The following MDH2 variants were observed in gnomAD, a reference collection of about 807,000 sequenced individuals.
The protein encoded by MDH2 is malate dehydrogenase 2, also known as malate dehydrogenase, mitochondrial.
MDH2 carries 25 observed loss-of-function variants against 33.6 expected under a neutral mutation model. The observed-to-expected ratio is 0.74, with a 90% CI of 0.54 to 1.04. MDH2 has a LOEUF of 1.04. Among genes scored for constraint, MDH2 ranks in the 50% least tolerant of loss-of-function variants. The pLI is 0.00. For missense variants in MDH2, 432 were observed against 445.0 expected, an observed-to-expected ratio of 0.97 and a Z score of 0.26; for synonymous variants, 193 against 188.7, an observed-to-expected ratio of 1.02 and a Z score of -0.19.
At chr7:76,051,825 T>G (rs1554585487) in intron 1 of MDH2, among the ~76,000 whole-genome samples, 1 of 152,186 alleles carries the variant, frequency 6.6e-6, no homozygotes, top group South Asian at 2.1e-4. Flanking sequence ...CCAAGCAGTG[T>G]GCTGTTGATA....
At chr7:76,063,666 C>T (rs370737691) in intron 6 of MDH2, 74 bp downstream of exon 6, 55 of 1,458,542 alleles carry the variant, frequency 3.8e-5, no homozygotes, top group East Asian at 9.1e-5. Flanking sequence ...GAGGTGATCC[C>T]GGTAGACTGG....
chr7:76,052,795 G>C (rs182838741), intron 1 of MDH2, among the ~76,000 whole-genome samples: 5 of 152,170 alleles, frequency 3.3e-5, no homozygotes, highest in Admixed American at 2.0e-4. Context: ...ATCCACCTCG[G>C]CCTCTCAGAG....
chr7:76,066,225 T>C, intron 8 of MDH2, 54 bp from the exon 9 acceptor site: 1 of 1,587,028 alleles, frequency 6.3e-7, no homozygotes, highest in South Asian at 1.1e-5. Flanking sequence ...TCGGGGTTTC[T>C]CTAACAAGCA....
Position 76,060,578 on chromosome 7 carries a change from C to T in MDH2, c.555+80C>T, listed in dbSNP as rs139786388. 230 of 1,564,312 alleles carry T rather than the reference C, an allele frequency of 1.5e-4. No individual in the cohort carries two copies. In the African/African-American group the frequency reaches 2.8e-3, roughly 19 times the overall value. ...CGTGCTCATTTACGGGCGTGGAAGACATGAAGGCATGCCCAGGTCACGTGT... is the reference window on the plus strand; with the variant it reads ...CGTGCTCATTTACGGGCGTGGAAGATATGAAGGCATGCCCAGGTCACGTGT... On this transcript the variant is annotated intron_variant, in intron 5 of 8. Coordinates refer to ENST00000315758, the MANE Select transcript of MDH2 (RefSeq NM_005918.4).
intron 5 of MDH2, among the ~76,000 whole-genome samples, chr7:76,062,978 CT>C (rs1475448969): frequency 6.6e-6 from 1 of 152,220 alleles, no homozygotes; most frequent in Non-Finnish European, 1.5e-5. Context: ...CAGCCTTGAA[CT>C]GTGCTGTTTG....
At chr7:76,066,153 G>C in intron 8 of MDH2, 126 bp from the exon 9 acceptor site, 1 of 1,228,332 alleles carries the variant, frequency 8.1e-7, no homozygotes, top group Non-Finnish European at 1.1e-6. Context: ...GGCGTCCCCA[G>C]CAAGGCACCC....
rs2116703200 is a variant in MDH2, at chr7:76,064,912, G to A, written c.844G>A (p.Glu282Lys). ...VVECSFVKSQ[E>K]TECTYFSTPL... ...GGAATGTTCCTTCGTTAAGTCACAGGAAACGGAATGTACCTACTTCTCCAC... is the reference window on the plus strand; with the variant it reads ...GGAATGTTCCTTCGTTAAGTCACAGAAAACGGAATGTACCTACTTCTCCAC... Residue 282 changes from glutamate (E) to lysine (K), a missense_variant, in exon 8 of 9, where the codon GAA (glutamate) becomes AAA (lysine). Physicochemically the swap from Glu to Lys is moderately conservative, Grantham distance 56. Transcript: ENST00000315758. The A allele has an allele frequency of 1.2e-6, 2 of 1,614,190 alleles. No homozygotes were observed. The highest frequency in any genetic ancestry group is 1.7e-6 in the Non-Finnish European group (2 of 1,180,050).
rs1284035803 is a variant in MDH2, at chr7:76,054,936, T to C, written c.173T>C (p.Ile58Thr). Residue 58 changes from isoleucine (I) to threonine (T), a missense_variant, in exon 2 of 9, where the codon ATC becomes ACC. Physicochemically the swap from Ile to Thr is moderately conservative, Grantham distance 89 (BLOSUM62 -1). Coordinates refer to ENST00000315758, the MANE Select transcript of MDH2 (RefSeq NM_005918.4). The part of the protein sequence containing the change: ...PLVSRLTLYD[I>T]AHTPGVAADL... ...GTGAGCCGCCTGACCCTCTATGATA[T>C]CGCGCACACACCCGGAGTGGCCGCA... The C allele has an allele frequency of 1.2e-6, 2 of 1,614,040 alleles. No homozygotes were observed. Among genetic ancestry groups the C allele is most frequent in the Non-Finnish European group, 1.7e-6 (2 of 1,180,006 alleles).
chr7:76,048,778 A>G (rs1371666267), intron 1 of MDH2: 7 of 1,226,338 alleles, frequency 5.7e-6, no homozygotes, highest in Non-Finnish European at 7.1e-6. Context: ...TTTTTGGAGG[A>G]TCTCTCCTGC....
chr7:76,060,085 CAGA>C (rs1438644759), intron 4 of MDH2, among the ~76,000 whole-genome samples: 25 of 152,250 alleles, frequency 1.6e-4, no homozygotes, highest in African/African-American at 6.0e-4. Context: ...CCCGGCCGAG[CAGA>C]AGGTGATCCA....
rs782771848 is a variant in MDH2 at position 76,060,435 on chromosome 7, C to T, written c.492C>T (p.Asn164=). 6 of 1,614,208 alleles carry T rather than the reference C, an allele frequency of 3.7e-6. No individual in the cohort carries two copies. Among genetic ancestry groups the T allele is most frequent in the Non-Finnish European group, 5.1e-6 (6 of 1,180,038 alleles). Residue 164 remains asparagine, a synonymous_variant, in exon 5 of 9, where the codon AAC becomes AAT. Transcript: ENST00000315758. The part of the protein sequence containing the change: ...VFKKHGVYNP[N]KIFGVTTLDI... ...AGAAGCATGGAGTGTACAACCCCAA[C>T]AAAATCTTCGGCGTGACGACCCTGG...
intron 1 of MDH2, among the ~76,000 whole-genome samples, chr7:76,052,633 C>T (rs186199355): frequency 6.6e-6 from 1 of 151,010 alleles, no homozygotes; most frequent in East Asian, 2.0e-4. Flanking sequence ...GTGTGATCTC[C>T]TCCTGGGTTC....
chr7:76,058,451 G>C (rs1797851085), intron 4 of MDH2, among the ~76,000 whole-genome samples: 1 of 152,184 alleles, frequency 6.6e-6, no homozygotes, highest in African/African-American at 2.4e-5. Flanking sequence ...AGCCGGAAAA[G>C]TATGTTCCAA....
rs1798041198 is a variant in MDH2 at position 76,064,499 on chromosome 7, G to A, written c.733+61G>A. On this transcript the variant is annotated intron_variant, in intron 7 of 8. Coordinates refer to ENST00000315758, the MANE Select transcript of MDH2 (RefSeq NM_005918.4). ...TGAGGCCCTGCGAGAGCTCAGGGTT[G>A]GGGAGAAATGCTGCTTGTCCCTGGG... 1.9e-5 allele frequency: 26 copies of A among 1,388,200 alleles called. No individual in the cohort carries two copies. The South Asian group carries it at 3.3e-4, about 18-fold the overall frequency. 86.0% of individuals were successfully genotyped at this position (1,388,200 alleles called of 1,614,324 possible).
intron 1 of MDH2, among the ~76,000 whole-genome samples, chr7:76,053,393 C>T (rs1443629519): frequency 1.3e-5 from 2 of 152,178 alleles, no homozygotes; most frequent in African/African-American, 4.8e-5. Context: ...GTGGGTGAGG[C>T]TGAGCCTGCC....
At position 76,054,726 on chromosome 7, in the gene MDH2, GCAACT is replaced by G. The variant is rs1199837003; in HGVS notation, c.67-103_67-99del. 2.0e-5 allele frequency: 26 copies of G among 1,288,194 alleles called. No homozygotes were observed. The East Asian group carries it at 6.0e-4, about 30-fold the overall frequency. 79.8% of individuals were successfully genotyped at this position (1,288,194 alleles called of 1,614,324 possible). A position where few individuals can be genotyped will look rare whatever the true frequency, so the allele number is the denominator to read the frequency against. On this transcript the variant is annotated intron_variant, in intron 1 of 8. Transcript: ENST00000315758. ...AATACAATGATTGTATCTTGCTTTGGCAACTGCAGTAAAAAGAGGCCCAGTGCAAC... is the reference window on the plus strand; with the variant it reads ...AATACAATGATTGTATCTTGCTTTGGGCAGTAAAAAGAGGCCCAGTGCAAC...
At chr7:76,062,021 T>TTA (rs1797968095) in intron 5 of MDH2, among the ~76,000 whole-genome samples, 1 of 152,206 alleles carries the variant, frequency 6.6e-6, no homozygotes, top group Non-Finnish European at 1.5e-5. Flanking sequence ...AGCTTCACTG[T>TTA]TAGAGTTGGG....
chr7:76,067,173 A>G lies in MDH2; in HGVS notation c.*763A>G, dbSNP rs1178913302. ...GAAGGGACTTCTTGTTGTACTGAGG[A>G]GTGCGGAATTAAAGAGATTTGACTC... On this transcript the variant is annotated 3_prime_UTR_variant, in exon 9 of 9. Coordinates refer to ENST00000315758, the MANE Select transcript of MDH2 (RefSeq NM_005918.4). 3 of 152,210 alleles carry G rather than the reference A, an allele frequency of 2.0e-5. No individual in the cohort carries two copies. Among genetic ancestry groups the G allele is most frequent in the Admixed American group, 2.0e-4 (3 of 15,268 alleles). 9.4% of individuals were successfully genotyped at this position (152,210 alleles called of 1,614,324 possible).
chr7:76,061,782 C>T (rs1797960048), intron 5 of MDH2, among the ~76,000 whole-genome samples: 2 of 152,282 alleles, frequency 1.3e-5, no homozygotes, highest in South Asian at 4.1e-4. Flanking sequence ...CCCTGGCGTC[C>T]TGGAGGCAAC....
Sources: allele counts gnomAD v4.1 joint callset (sites outside exome capture counted in the v4.1 genomes callset), GRCh38; gene constraint gnomAD v4.1.1; transcripts MANE v1.5; gene names NCBI Gene and HGNC (gene_info 2026-07-23, HGNC 2026-07-21).